The following GALNT17 variants were observed in gnomAD, a reference collection of about 807,000 sequenced individuals.
GALNT17 encodes polypeptide N-acetylgalactosaminyltransferase 17.
GALNT17 carries 29 observed loss-of-function variants against 63.7 expected under a neutral mutation model. The observed-to-expected ratio is 0.46, with a 90% confidence interval of 0.34 to 0.62. The LOEUF is 0.62. Ranked by LOEUF, GALNT17 falls within the 20% of genes least tolerant of loss-of-function variation. GALNT17 has a pLI of 0.01. For synonymous variants in GALNT17, 305 were observed against 318.3 expected, an observed-to-expected ratio of 0.96 and a Z score of 0.45; for missense variants, 603 against 799.6, an observed-to-expected ratio of 0.75 and a Z score of 2.97.
At chr7:71,659,529 C>T (rs1333547560) in intron 6 of GALNT17, among the ~76,000 whole-genome samples, 1 of 152,200 alleles carries the variant, frequency 6.6e-6, no homozygotes, top group Non-Finnish European at 1.5e-5. Flanking sequence ...CTTTTATCCT[C>T]AGCTTCCTTA....
At chr7:71,457,247 G>A (rs901317444) in intron 5 of GALNT17, among the ~76,000 whole-genome samples, 28 of 152,310 alleles carry the variant, frequency 1.8e-4, no homozygotes, top group African/African-American at 6.5e-4. Context: ...GCAAATTGCA[G>A]GGGAGATATG....
At chr7:71,467,778 C>CA (rs146413785) in intron 5 of GALNT17, among the ~76,000 whole-genome samples, 3 of 151,762 alleles carry the variant, frequency 2.0e-5, no homozygotes, top group Non-Finnish European at 4.4e-5. Flanking sequence ...AAAAAACAAA[C>CA]AAAAAAACCC....
intron 6 of GALNT17, among the ~76,000 whole-genome samples, chr7:71,585,921 T>TTG (rs1789710996): frequency 6.6e-6 from 1 of 151,182 alleles, no homozygotes; most frequent in East Asian, 1.9e-4. Context: ...TTTCTTTTTT[T>TTG]TTTTTTTGAG....
intron 5 of GALNT17, among the ~76,000 whole-genome samples, chr7:71,496,105 G>A (rs1445254012): frequency 6.6e-6 from 1 of 152,174 alleles, no homozygotes; most frequent in Non-Finnish European, 1.5e-5. Context: ...CCTACAGATG[G>A]TCGAGACTTA....
At chr7:71,142,887 G>A (rs529053405) in intron 1 of GALNT17, among the ~76,000 whole-genome samples, 1 of 151,724 alleles carries the variant, frequency 6.6e-6, no homozygotes, top group Non-Finnish European at 1.5e-5. Context: ...GTTGCCATGG[G>A]CCGAGATTGT....
intron 2 of GALNT17, among the ~76,000 whole-genome samples, chr7:71,360,957 AAAT>A (rs905872741): frequency 2.5e-4 from 38 of 152,172 alleles, no homozygotes; most frequent in African/African-American, 8.2e-4. Context: ...ACGTCCTTAA[AAAT>A]AATAATAACT....
intron 3 of GALNT17, among the ~76,000 whole-genome samples, chr7:71,399,108 C>T (rs1487229105): frequency 6.6e-6 from 1 of 152,148 alleles, no homozygotes; most frequent in Non-Finnish European, 1.5e-5. Context: ...GTGGTGCACG[C>T]CTGTAATCCC....
intron 6 of GALNT17, among the ~76,000 whole-genome samples, chr7:71,627,467 T>A (rs1790390832): frequency 6.6e-6 from 1 of 152,120 alleles, no homozygotes; most frequent in South Asian, 2.1e-4. Context: ...CAGATGACCT[T>A]CAGAGCTTGC....
chr7:71,317,308 C>T lies in GALNT17; in HGVS notation c.239-18242C>T, dbSNP rs187231184. ...CCTCGTGCTCTGAGAATCACCGTGACACTGAGCTCTTAGGAAATCAGCTTT... is the reference window on the plus strand; with the variant it reads ...CCTCGTGCTCTGAGAATCACCGTGATACTGAGCTCTTAGGAAATCAGCTTT... On this transcript the variant is annotated intron_variant, in intron 1 of 10. Transcript: ENST00000333538. Among the ~76,000 whole-genome samples, 3 of 152,302 alleles carry T rather than the reference C, an allele frequency of 2.0e-5. No homozygotes were observed. In the East Asian group the frequency reaches 5.8e-4, roughly 29 times the overall value.
intron 5 of GALNT17, among the ~76,000 whole-genome samples, chr7:71,514,643 T>C (rs959343691): frequency 6.6e-6 from 1 of 152,220 alleles, no homozygotes; most frequent in Admixed American, 6.5e-5. Context: ...TAGTTTGTCT[T>C]TCTGAAATGT....
At chr7:71,640,283 A>G (rs1032668941) in intron 6 of GALNT17, among the ~76,000 whole-genome samples, 1 of 152,194 alleles carries the variant, frequency 6.6e-6, no homozygotes, top group African/African-American at 2.4e-5. Flanking sequence ...TTGTATTTGC[A>G]GGAAGATTTT....
At chr7:71,406,559 G>T (rs149448139) in intron 3 of GALNT17, among the ~76,000 whole-genome samples, 1 of 152,072 alleles carries the variant, frequency 6.6e-6, no homozygotes, top group African/African-American at 2.4e-5. Context: ...ATATGCAACC[G>T]AGTTTCTCCC....
At chr7:71,459,276 A>AT (rs911966903) in intron 5 of GALNT17, among the ~76,000 whole-genome samples, 2 of 152,204 alleles carry the variant, frequency 1.3e-5, no homozygotes, top group Admixed American at 6.5e-5. Flanking sequence ...AGAAAAAAAA[A>AT]GTGACAGACA....
At chr7:71,608,528 A>G (rs189061356) in intron 6 of GALNT17, among the ~76,000 whole-genome samples, 1 of 152,312 alleles carries the variant, frequency 6.6e-6, no homozygotes, top group East Asian at 1.9e-4. Flanking sequence ...AAGTACCATC[A>G]TATAATTTTG....
At chr7:71,377,723 G>A (rs183542518) in intron 2 of GALNT17, among the ~76,000 whole-genome samples, 3 of 152,304 alleles carry the variant, frequency 2.0e-5, no homozygotes, top group Admixed American at 1.3e-4. Context: ...CGTGTTGAGG[G>A]ATGGAGGTGA....
At chr7:71,358,575 C>T (rs932120995) in intron 2 of GALNT17, among the ~76,000 whole-genome samples, 7 of 152,202 alleles carry the variant, frequency 4.6e-5, no homozygotes, top group Middle Eastern at 3.4e-3. Context: ...ATTTTCCTTG[C>T]GCTCTGTATG....
chr7:71,710,794 T>C lies in GALNT17; in HGVS notation c.1534T>C (p.Leu512=). 6.2e-7 allele frequency: 1 copy of C among 1,612,934 alleles called. No homozygotes were observed. The highest frequency in any genetic ancestry group is 1.1e-5 in the South Asian group (1 of 91,016). Residue 512 remains leucine, a synonymous_variant, in exon 10 of 11, where the codon TTG becomes CTG. Transcript: ENST00000333538. The stretch of plus-strand genomic sequence containing the variant: ...CTACACCAAGGAAGGCTTCCTGCAC[T>C]TGGGTGCCCTGGGGACCACCACACT... ...ARYTKEGFLH[L]GALGTTTLLP... is the part of the protein sequence containing the mutation.
chr7:71,342,182 A>G (rs1313775595), intron 2 of GALNT17, among the ~76,000 whole-genome samples: 2 of 152,190 alleles, frequency 1.3e-5, no homozygotes, highest in Non-Finnish European at 2.9e-5. Context: ...TCCAGGAAGC[A>G]TGGTGCTTGG....
chr7:71,693,185 TGTGTGTGTATATA>T (rs145591676), intron 9 of GALNT17, among the ~76,000 whole-genome samples: 11,583 of 148,534 alleles, frequency 0.078, 770 homozygotes, highest in East Asian at 0.29. Context: ...ATATAAATAG[TGTGTGTGTATATA>T]GTGTGTGTAT....
Sources: gnomAD v4.1 joint callset for allele counts (sites outside exome capture counted in the v4.1 genomes callset) on GRCh38, gnomAD v4.1.1 for gene constraint, MANE v1.5 for transcripts, NCBI Gene and HGNC (gene_info 2026-07-23, HGNC 2026-07-21) for gene names.